Variants in CETN3 observed in about 807,000 individuals in gnomAD.
The protein encoded by CETN3 is centrin 3, also known as centrin-3.
Under a neutral mutation model 20.1 loss-of-function variants are expected in CETN3, and 17 were observed. The observed-to-expected ratio is 0.85, with a 90% CI of 0.58 to 1.27. The LOEUF (loss-of-function observed/expected upper bound fraction) is 1.27. CETN3 is among the 50% of genes most tolerant of loss of function. CETN3 has a pLI of 0.00. For missense variants in CETN3, 169 were observed against 191.2 expected, an observed-to-expected ratio of 0.88 and a Z score of 0.69; for synonymous variants, 52 against 59.7, an observed-to-expected ratio of 0.87 and a Z score of 0.59.
At chr5:90,409,598 G>A (rs777124419) in intron 1 of CETN3, 47 bp downstream of exon 1, 1 of 1,610,460 alleles carries the variant, frequency 6.2e-7, no homozygotes, top group African/African-American at 1.3e-5. Flanking sequence ...CCCTCCCTGG[G>A]CCCCGCTCCG....
In CETN3 at chr5:90,400,559, C is replaced by T. The variant is rs528417289; in HGVS notation, c.269-1010G>A. 2.7e-5 allele frequency among the ~76,000 whole-genome samples: 4 copies of T among 148,416 alleles called. No individual in the cohort carries two copies. The South Asian group carries it at 8.6e-4, about 32-fold the overall frequency. ...GCCTTTACTATGCTATTAAAAATAA[C>T]TCGGTCCTGTTGAAGGTTACAGAAT... On this transcript the variant is annotated intron_variant, in intron 3 of 4. Transcript: ENST00000283122.
In CETN3 at chr5:90,409,678, G is replaced by A. The variant is rs773901733; in HGVS notation, c.-17C>T. 5.0e-6 allele frequency: 8 copies of A among 1,614,006 alleles called. No homozygotes were observed. In the Admixed American group the frequency reaches 8.3e-5, roughly 17 times the overall value. The stretch of plus-strand genomic sequence containing the variant: ...TAAACTCATTATCTCTTCGCACAGA[G>A]ACGTTCCTCTCAAGAACGATTTTAA... On this transcript the variant is annotated 5_prime_UTR_variant, in exon 1 of 5. Coordinates refer to ENST00000283122, the MANE Select transcript of CETN3 (RefSeq NM_004365.4).
chr5:90,398,781 A>G (rs1305267943), intron 4 of CETN3, among the ~76,000 whole-genome samples: 1 of 152,230 alleles, frequency 6.6e-6, no homozygotes, highest in Non-Finnish European at 1.5e-5. Flanking sequence ...TAGGAAAAGA[A>G]TGATACCAAG....
rs2151881161 is a variant in CETN3 at position 90,393,731 on chromosome 5, A to C, written c.*333T>G. 1 of 161,370 alleles carries C rather than the reference A, an allele frequency of 6.2e-6. No homozygotes were observed. The highest frequency in any genetic ancestry group is 2.4e-5 in the African/African-American group (1 of 41,966). 10.0% of individuals were successfully genotyped at this position (161,370 alleles called of 1,614,324 possible). On this transcript the variant is annotated 3_prime_UTR_variant, in exon 5 of 5. Transcript: ENST00000283122. ...CAAACTTTAAAATTCTAATAAAATA[A>C]ATATTTTATTAACGAAAGTCTGGAA...
rs538923546 is a variant in CETN3, at chr5:90,408,220, A to T, written c.18-386T>A. 3.7e-4 allele frequency among the ~76,000 whole-genome samples: 56 copies of T among 152,262 alleles called. 1 individual carries two copies. Among genetic ancestry groups the T allele is most frequent in the East Asian group, 1.5e-3 (8 of 5,190 alleles). On this transcript the variant is annotated intron_variant, in intron 1 of 4. Transcript: ENST00000283122. ...ATCCTACAAGAATGTTAAAGAATTT[A>T]AAAAAAATCTCCAAATGAAACCAAA...
chr5:90,396,376 A>G, intron 4 of CETN3: 1 of 1,394,880 alleles, frequency 7.2e-7, no homozygotes. Flanking sequence ...AGTGATCTTT[A>G]ACCTTTGCAG....
At chr5:90,404,813 A>T (rs973149869) in intron 3 of CETN3, among the ~76,000 whole-genome samples, 3 of 152,056 alleles carry the variant, frequency 2.0e-5, no homozygotes, top group Non-Finnish European at 2.9e-5. Context: ...CCAAATTTTT[A>T]AAATATCTTA....
At position 90,408,026 on chromosome 5, in the gene CETN3, AAGAGTGTTAC is replaced by A. The variant is rs929592360; in HGVS notation, c.18-202_18-193del. Among the ~76,000 whole-genome samples the A allele has an allele frequency of 9.8e-5, 15 of 152,304 alleles. No homozygotes were observed. The East Asian group carries it at 2.9e-3, about 29-fold the overall frequency. On this transcript the variant is annotated intron_variant, in intron 1 of 4. Transcript: ENST00000283122. ...TATAAATCTGAACTTCGCAAAACTA[AAGAGTGTTAC>A]AGATTATTAAAAGAAATGAGGACCA...
At chr5:90,396,559 T>C in intron 4 of CETN3, 1 of 1,531,622 alleles carries the variant, frequency 6.5e-7, no homozygotes, top group Non-Finnish European at 8.7e-7. Context: ...AGTATGTTCT[T>C]AAGAACTGTA....
intron 1 of CETN3, among the ~76,000 whole-genome samples, chr5:90,408,422 T>C (rs1325674985): frequency 1.3e-5 from 2 of 152,218 alleles, no homozygotes; most frequent in South Asian, 2.1e-4. Flanking sequence ...ATTTCCTCCA[T>C]TGATATTAAC....
At chr5:90,408,553 G>A (rs1409610763) in intron 1 of CETN3, among the ~76,000 whole-genome samples, 3 of 151,984 alleles carry the variant, frequency 2.0e-5, no homozygotes, top group African/African-American at 4.8e-5. Context: ...CATGTAAACC[G>A]GAGGTTAACT....
At chr5:90,409,487 A>C (rs10044471) in intron 1 of CETN3, among the ~76,000 whole-genome samples, 158 bp downstream of exon 1, 65 of 152,320 alleles carry the variant, frequency 4.3e-4, no homozygotes, top group Non-Finnish European at 6.9e-4. Context: ...CAGAGCCCAG[A>C]GGGTGAGTGA....
chr5:90,404,420 C>G (rs1352104064), intron 3 of CETN3, among the ~76,000 whole-genome samples: 1 of 152,114 alleles, frequency 6.6e-6, no homozygotes, highest in Non-Finnish European at 1.5e-5. Context: ...TAAGGTAAAA[C>G]TAGGAATACT....
intron 3 of CETN3, among the ~76,000 whole-genome samples, chr5:90,399,906 G>T (rs1475553281): frequency 6.6e-6 from 1 of 152,186 alleles, no homozygotes; most frequent in African/African-American, 2.4e-5. Flanking sequence ...CACAAGGAGT[G>T]TGTCATCTAC....
At chr5:90,400,106 TAATACC>T (rs1411768312) in intron 3 of CETN3, among the ~76,000 whole-genome samples, 1 of 152,168 alleles carries the variant, frequency 6.6e-6, no homozygotes, top group African/African-American at 2.4e-5. Flanking sequence ...AAAATTCCAC[TAATACC>T]TTTGTGATTA....
At chr5:90,405,535 AC>A in intron 3 of CETN3, 149 bp downstream of exon 3, 1 of 574,896 alleles carries the variant, frequency 1.7e-6, no homozygotes, top group Non-Finnish European at 3.0e-6. Context: ...TGAAAAAAAA[AC>A]CAACAAAACA....
intron 1 of CETN3, 109 bp from the exon 2 acceptor site, chr5:90,407,943 G>T: frequency 1.1e-6 from 1 of 934,690 alleles, no homozygotes; most frequent in Non-Finnish European, 1.5e-6. Context: ...TTTGGAGAAA[G>T]ATAGGGAAAC....
At position 90,406,840 on chromosome 5, in the gene CETN3, C is replaced by CAAA. The variant is rs762527758; in HGVS notation, c.153+856_153+858dup. ...TAAAGGAAGATCAAATCTGGGTAAC[C>CAAA]AAAAAAAAAAAAAAACAAAAAAAAC... is the stretch of plus-strand genomic sequence containing the variant. On this transcript the variant is annotated intron_variant, in intron 2 of 4. Transcript: ENST00000283122. Among the ~76,000 whole-genome samples, 40 of 61,704 alleles carry CAAA rather than the reference C, an allele frequency of 6.5e-4. 1 individual carries two copies. Among genetic ancestry groups the CAAA allele is most frequent in the South Asian group, 1.3e-3 (2 of 1,558 alleles). The allele number at this position is 61,704 out of a possible 152,430, so 40.5% of individuals were successfully genotyped here.
At chr5:90,400,043 G>A (rs542155483) in intron 3 of CETN3, among the ~76,000 whole-genome samples, 2 of 152,292 alleles carry the variant, frequency 1.3e-5, no homozygotes, top group Admixed American at 6.5e-5. Flanking sequence ...AAAACTGCAA[G>A]AGACAAAAAG....
Sources: allele counts gnomAD v4.1 joint callset (sites outside exome capture counted in the v4.1 genomes callset), GRCh38; gene constraint gnomAD v4.1.1; transcripts MANE v1.5; gene names NCBI Gene and HGNC (gene_info 2026-07-23, HGNC 2026-07-21).